TENM4: variants seen among roughly 807,000 people sequenced by gnomAD.
The protein encoded by TENM4 is teneurin-4.
In TENM4, 82 loss-of-function variants were observed where a neutral mutation model predicts 243.3. That is an observed-to-expected ratio of 0.34 (90% CI 0.28 to 0.40). The LOEUF is 0.40. Among genes scored for constraint, TENM4 ranks in the 10% least tolerant of loss-of-function variants. TENM4 has a pLI of 1.00. For missense variants in TENM4, 3,138 were observed against 3,673.3 expected (o/e 0.85, Z 3.77); for synonymous variants, 1,412 against 1,456.3 (o/e 0.97, Z 0.69).
intron 2 of TENM4, among the ~76,000 whole-genome samples, chr11:79,281,877 A>G (rs552771240): frequency 6.6e-6 from 1 of 152,296 alleles, no homozygotes; most frequent in Admixed American, 6.5e-5. Context: ...GGTCTCTCCA[A>G]TTCAGCGCTG....
Position 79,424,633 on chromosome 11 carries a change from C to CAAA in TENM4, c.-321+15873_-321+15875dup, listed in dbSNP as rs58550229. On this transcript the variant is annotated intron_variant, in intron 1 of 33. Transcript: ENST00000278550. ...GGGCAATAGAACCAGACCCTGTCTC[C>CAAA]AAAAAAAAAAAATACAAAAAGGCTG... Among the ~76,000 whole-genome samples, 894 of 134,192 alleles carry CAAA rather than the reference C, an allele frequency of 6.7e-3. 7 individuals carry two copies. Among genetic ancestry groups the CAAA allele is most frequent in the African/African-American group, 0.014 (514 of 36,386 alleles). The allele number at this position is 134,192 out of a possible 152,430, so 88.0% of individuals were successfully genotyped here.
intron 6 of TENM4, among the ~76,000 whole-genome samples, chr11:79,005,972 T>A (rs1025798394): frequency 6.6e-6 from 1 of 152,156 alleles, no homozygotes; most frequent in African/African-American, 2.4e-5. Context: ...GAGAGCTAAG[T>A]CAAGAAAAAG....
intron 20 of TENM4, among the ~76,000 whole-genome samples, chr11:78,732,985 T>C (rs1028577974): frequency 1.3e-5 from 2 of 152,200 alleles, no homozygotes; most frequent in Non-Finnish European, 2.9e-5. Flanking sequence ...GGCTCTGTCT[T>C]CAACTATTAT....
intron 6 of TENM4, among the ~76,000 whole-genome samples, chr11:78,947,560 T>G (rs191570995): frequency 9.3e-4 from 141 of 152,346 alleles, no homozygotes; most frequent in Non-Finnish European, 1.4e-3. Context: ...TTTTCATGTT[T>G]CAGCTCATGC....
intron 16 of TENM4, among the ~76,000 whole-genome samples, chr11:78,781,122 T>A (rs1251090217): frequency 6.6e-6 from 1 of 152,240 alleles, no homozygotes; most frequent in Non-Finnish European, 1.5e-5. Flanking sequence ...ATAAAAGGCA[T>A]ATGCGGAAGT....
chr11:79,266,787 G>A (rs1380074556), intron 2 of TENM4, among the ~76,000 whole-genome samples: 1 of 152,118 alleles, frequency 6.6e-6, no homozygotes, highest in Non-Finnish European at 1.5e-5. Flanking sequence ...TTTCAGAATT[G>A]TCTAGAAGAG....
At chr11:79,396,996 T>C (rs536476011) in intron 1 of TENM4, among the ~76,000 whole-genome samples, 2 of 152,242 alleles carry the variant, frequency 1.3e-5, no homozygotes, top group South Asian at 4.2e-4. Flanking sequence ...GAGCACTGTG[T>C]CAAGGGGGCT....
chr11:79,009,020 A>G (rs1484851368), intron 6 of TENM4, among the ~76,000 whole-genome samples: 1 of 152,128 alleles, frequency 6.6e-6, no homozygotes, highest in Non-Finnish European at 1.5e-5. Context: ...GCAAAGGTGA[A>G]CATTTTGCTC....
intron 28 of TENM4, among the ~76,000 whole-genome samples, chr11:78,694,478 C>T (rs1858906390): frequency 6.6e-6 from 1 of 152,174 alleles, no homozygotes; most frequent in South Asian, 2.1e-4. Context: ...ATTAAGTACC[C>T]AAAATGAATT....
chr11:78,691,223 G>A (rs927130985), intron 28 of TENM4, among the ~76,000 whole-genome samples: 8 of 152,198 alleles, frequency 5.3e-5, no homozygotes, highest in African/African-American at 1.7e-4. Context: ...CAGGTCTGTG[G>A]AGTCTGTGGA....
chr11:78,783,802 T>C (rs1260684913), intron 16 of TENM4, among the ~76,000 whole-genome samples: 1 of 152,198 alleles, frequency 6.6e-6, no homozygotes, highest in Admixed American at 6.5e-5. Context: ...CCATGAAAGA[T>C]AAGGTGAGCC....
intron 2 of TENM4, among the ~76,000 whole-genome samples, chr11:79,228,690 C>A (rs1024800447): frequency 1.3e-5 from 2 of 151,968 alleles, no homozygotes; most frequent in Admixed American, 1.3e-4. Context: ...TGTTCCCCCA[C>A]TTCATTTTTT....
At chr11:79,287,541 T>C (rs1412414446) in intron 2 of TENM4, among the ~76,000 whole-genome samples, 1 of 152,074 alleles carries the variant, frequency 6.6e-6, no homozygotes, top group Non-Finnish European at 1.5e-5. Flanking sequence ...AGTAATGAGT[T>C]GGGGGTGAGG....
chr11:79,395,859 T>C (rs185861050), intron 1 of TENM4, among the ~76,000 whole-genome samples: 1 of 152,202 alleles, frequency 6.6e-6, no homozygotes, highest in African/African-American at 2.4e-5. Context: ...GTACTCAGGA[T>C]ACAGAGATAA....
At chr11:79,318,302 T>G (rs1353114591) in intron 1 of TENM4, among the ~76,000 whole-genome samples, 1 of 151,940 alleles carries the variant, frequency 6.6e-6, no homozygotes, top group Non-Finnish European at 1.5e-5. Context: ...GCAAACTCAC[T>G]GAAAATTCTA....
At chr11:78,790,136 C>T (rs1412419489) in intron 15 of TENM4, among the ~76,000 whole-genome samples, 1 of 152,172 alleles carries the variant, frequency 6.6e-6, no homozygotes, top group Non-Finnish European at 1.5e-5. Flanking sequence ...ATCTCTGCCC[C>T]CCAGGAGATC....
At chr11:78,925,439 G>A (rs956282576) in intron 6 of TENM4, among the ~76,000 whole-genome samples, 7 of 152,134 alleles carry the variant, frequency 4.6e-5, no homozygotes, top group Non-Finnish European at 2.9e-5. Flanking sequence ...GTATACTTGT[G>A]AGATGATTTT....
At chr11:79,203,241 A>G (rs972509502) in intron 3 of TENM4, among the ~76,000 whole-genome samples, 2 of 152,196 alleles carry the variant, frequency 1.3e-5, no homozygotes, top group Non-Finnish European at 2.9e-5. Flanking sequence ...TAAACACACC[A>G]TATGATCCAG....
intron 1 of TENM4, among the ~76,000 whole-genome samples, chr11:79,312,200 G>T (rs999182547): frequency 6.6e-6 from 1 of 152,132 alleles, no homozygotes; most frequent in Non-Finnish European, 1.5e-5. Flanking sequence ...ACTTCCTGCC[G>T]TGTAGAGTAG....
Sources: gnomAD v4.1 joint callset for allele counts (sites outside exome capture counted in the v4.1 genomes callset) on GRCh38, gnomAD v4.1.1 for gene constraint, MANE v1.5 for transcripts, NCBI Gene and HGNC (gene_info 2026-07-23, HGNC 2026-07-21) for gene names.